Variants in RAPH1 observed in about 807,000 individuals in gnomAD.
RAPH1 encodes Ras association (RalGDS/AF-6) and pleckstrin homology domains 1, also known as ras-associated and pleckstrin homology domains-containing protein 1.
A neutral mutation model predicts 88.1 loss-of-function variants in RAPH1; 18 were observed. The observed-to-expected ratio is 0.20, with a 90% CI of 0.14 to 0.30. RAPH1 has a LOEUF of 0.30. Ranked by LOEUF, RAPH1 falls within the 10% of genes least tolerant of loss-of-function variation. The pLI, the probability that RAPH1 is intolerant of heterozygous loss-of-function variation, is 1.00. For synonymous variants in RAPH1, 587 were observed against 559.0 expected (o/e 1.05, Z -0.71); for missense variants, 1,448 against 1,543.2 (o/e 0.94, Z 1.03).
intron 1 of RAPH1, among the ~76,000 whole-genome samples, chr2:203,522,745 T>C (rs1689944764): frequency 6.6e-6 from 1 of 151,370 alleles, no homozygotes; most frequent in Non-Finnish European, 1.5e-5. Flanking sequence ...CTACTAAAAC[T>C]ACAAAAATTA....
intron 1 of RAPH1, among the ~76,000 whole-genome samples, chr2:203,516,131 A>G (rs191308590): frequency 1.8e-3 from 273 of 152,348 alleles, no homozygotes; most frequent in African/African-American, 6.3e-3. Context: ...AGAGGAATTC[A>G]TATTTTGTTA....
intron 4 of RAPH1, among the ~76,000 whole-genome samples, chr2:203,475,276 G>A (rs968219002): frequency 1.3e-5 from 2 of 152,132 alleles, no homozygotes; most frequent in African/African-American, 2.4e-5. Flanking sequence ...GCGAGGTGGC[G>A]GGTGCCTGTA....
At chr2:203,466,245 C>G (rs1286679524) in intron 4 of RAPH1, among the ~76,000 whole-genome samples, 1 of 152,078 alleles carries the variant, frequency 6.6e-6, no homozygotes, top group Non-Finnish European at 1.5e-5. Flanking sequence ...GAGTATCATC[C>G]CTGGAACAAA....
intron 1 of RAPH1, among the ~76,000 whole-genome samples, chr2:203,506,429 G>T (rs1688999426): frequency 1.3e-5 from 2 of 151,368 alleles, no homozygotes; most frequent in African/African-American, 4.9e-5. Flanking sequence ...CCAGGGCAGG[G>T]CAGGGAAAAA....
chr2:203,451,373 C>G lies in RAPH1; in HGVS notation c.1414-2537G>C, dbSNP rs1581262759. On this transcript the variant is annotated intron_variant, in intron 10 of 13. Coordinates refer to ENST00000319170, the MANE Select transcript of RAPH1 (RefSeq NM_213589.3). ...AAGGTTAAAACAGCGCTCAAAATTG[C>G]TTCCGATAAGTGAAAGGTAGTACTA... Among the ~76,000 whole-genome samples, 4 of 152,140 alleles carry G rather than the reference C, an allele frequency of 2.6e-5. No homozygotes were observed. In the East Asian group the frequency reaches 7.7e-4, roughly 29 times the overall value.
chr2:203,495,422 A>G, intron 1 of RAPH1, 69 bp from the exon 2 acceptor site: 1 of 1,477,056 alleles, frequency 6.8e-7, no homozygotes, highest in Non-Finnish European at 9.4e-7. Context: ...TATGCCATAT[A>G]TGCTCTGATA....
intron 8 of RAPH1, among the ~76,000 whole-genome samples, chr2:203,456,572 C>T (rs1157791838): frequency 6.6e-6 from 1 of 151,960 alleles, no homozygotes; most frequent in Non-Finnish European, 1.5e-5. Flanking sequence ...AAGAGAAATC[C>T]TCAGAAAACA....
chr2:203,498,570 T>G (rs1688612356), intron 1 of RAPH1, among the ~76,000 whole-genome samples: 1 of 152,160 alleles, frequency 6.6e-6, no homozygotes, highest in African/African-American at 2.4e-5. Context: ...GGTCTGCTGT[T>G]TCAAACAACA....
chr2:203,455,372 A>C, intron 9 of RAPH1, 65 bp downstream of exon 9: 1 of 1,482,756 alleles, frequency 6.7e-7, no homozygotes, highest in Non-Finnish European at 9.3e-7. Context: ...TTGTCAGCAT[A>C]CTCAATACAA....
intron 4 of RAPH1, among the ~76,000 whole-genome samples, chr2:203,479,380 C>G (rs1238585012): frequency 6.6e-6 from 1 of 152,000 alleles, no homozygotes; most frequent in African/African-American, 2.4e-5. Flanking sequence ...GAGGCGGGCG[C>G]ATCACTTGAG....
At chr2:203,443,648 A>AG in intron 13 of RAPH1, 1 of 152,086 alleles carries the variant, frequency 6.6e-6, no homozygotes, top group Non-Finnish European at 1.5e-5. Context: ...ATTAAAAAAA[A>AG]AAAAGGTAAG....
At chr2:203,523,945 A>G (rs900670569) in intron 1 of RAPH1, among the ~76,000 whole-genome samples, 6 of 152,156 alleles carry the variant, frequency 3.9e-5, no homozygotes, top group African/African-American at 9.7e-5. Flanking sequence ...TGGAAGTTGC[A>G]GTGAGCCGAG....
rs191393494 is a variant in RAPH1 at position 203,439,766 on chromosome 2, G to T, written c.3424C>A (p.Pro1142Thr). ...TGTGGCACAACTGTGGCCATTGTTG[G>T]CTGCTCAGAAATCTCAGCTTGAGTG... is the stretch of plus-strand genomic sequence containing the variant. ...RLTQAEISEQ[P>T]TMATVVPQVP... Residue 1142 changes from proline (P) to threonine (T), a missense_variant, in exon 14 of 14, where the codon CCA becomes ACA. Transcript: ENST00000319170. 266 of 1,614,156 alleles carry T rather than the reference G, an allele frequency of 1.6e-4. 3 individuals carry two copies. In the East Asian group the frequency reaches 4.5e-3, roughly 27 times the overall value.
rs911109861 is a variant in RAPH1 at position 203,436,999 on chromosome 2, G to A, written c.*2438C>T. On this transcript the variant is annotated 3_prime_UTR_variant, in exon 14 of 14. Transcript: ENST00000319170. ...ATGTAAAGGGAAATGGCCTGTTGTC[G>A]GACAAGCCACTGGACTGGGGTTAAA... 5 of 145,978 alleles carry A rather than the reference G, an allele frequency of 3.4e-5. No homozygotes were observed. Among genetic ancestry groups the A allele is most frequent in the Admixed American group, 6.9e-5 (1 of 14,426 alleles). The allele number at this position is 145,978 out of a possible 1,614,324, so 9.0% of individuals were successfully genotyped here.
At chr2:203,530,286 T>C (rs575770857) in intron 1 of RAPH1, among the ~76,000 whole-genome samples, 3 of 152,366 alleles carry the variant, frequency 2.0e-5, no homozygotes, top group African/African-American at 7.2e-5. Context: ...TATATAAAGC[T>C]GGCAAAAGCA....
At chr2:203,486,473 G>T (rs1687978102) in intron 4 of RAPH1, among the ~76,000 whole-genome samples, 1 of 152,106 alleles carries the variant, frequency 6.6e-6, no homozygotes, top group African/African-American at 2.4e-5. Flanking sequence ...AGTAGAGTGA[G>T]AAGTCAATAG....
At chr2:203,517,426 T>C (rs1581400190) in intron 1 of RAPH1, among the ~76,000 whole-genome samples, 1 of 149,268 alleles carries the variant, frequency 6.7e-6, no homozygotes, top group East Asian at 2.0e-4. Flanking sequence ...AGCTGGAGAC[T>C]TGAATACCTC....
chr2:203,523,254 G>A (rs1689971306), intron 1 of RAPH1, among the ~76,000 whole-genome samples: 1 of 151,366 alleles, frequency 6.6e-6, no homozygotes, highest in Non-Finnish European at 1.5e-5. Context: ...TTAGCTGGGC[G>A]TGGTGGCGGG....
intron 6 of RAPH1, 58 bp from the exon 7 acceptor site, chr2:203,460,086 C>G: frequency 6.7e-7 from 1 of 1,488,444 alleles, no homozygotes; most frequent in Non-Finnish European, 9.1e-7. Context: ...GCATGAAAGA[C>G]ATGAAACTTT....
Sources: gnomAD v4.1 joint callset for allele counts (sites outside exome capture counted in the v4.1 genomes callset) on GRCh38, gnomAD v4.1.1 for gene constraint, MANE v1.5 for transcripts, NCBI Gene and HGNC (gene_info 2026-07-23, HGNC 2026-07-21) for gene names.